The following ROBO2 variants were observed in gnomAD, a reference collection of about 807,000 sequenced individuals.
ROBO2 encodes roundabout homolog 2.
A neutral mutation model predicts 160.8 loss-of-function variants in ROBO2; 53 were observed. That is an observed-to-expected ratio of 0.33 (90% CI 0.26 to 0.41). ROBO2 has a LOEUF of 0.41. ROBO2 is among the 10% of genes least tolerant of loss of function. The pLI is 1.00. For missense variants in ROBO2, 1,577 were observed against 1,722.4 expected (o/e 0.92, Z 1.49); for synonymous variants, 664 against 611.7 (o/e 1.09, Z -1.26).
At chr3:75,944,263 AG>A (rs760990944) in intron 2 of ROBO2, among the ~76,000 whole-genome samples, 99 of 152,164 alleles carry the variant, frequency 6.5e-4, no homozygotes, top group Non-Finnish European at 1.2e-3. Flanking sequence ...CTAAAGTACG[AG>A]AGCCTGAACC....
At chr3:77,363,753 G>A (rs1441101103) in intron 2 of ROBO2, among the ~76,000 whole-genome samples, 1 of 152,170 alleles carries the variant, frequency 6.6e-6, no homozygotes, top group Non-Finnish European at 1.5e-5. Context: ...GGTCTTCAAG[G>A]AAGAAGGGAG....
At chr3:76,056,956 TTA>T (rs2067870328) in intron 2 of ROBO2, among the ~76,000 whole-genome samples, 1 of 152,136 alleles carries the variant, frequency 6.6e-6, no homozygotes, top group Admixed American at 6.6e-5. Flanking sequence ...AAAAAAATGA[TTA>T]TGTTGTGTAT....
intron 2 of ROBO2, among the ~76,000 whole-genome samples, chr3:77,262,479 A>G (rs1366809264): frequency 6.6e-6 from 1 of 152,130 alleles, no homozygotes; most frequent in African/African-American, 2.4e-5. Context: ...TCACAATGAG[A>G]AAGCATAAGT....
intron 1 of ROBO2, among the ~76,000 whole-genome samples, chr3:77,083,039 A>G (rs1346676925): frequency 6.6e-6 from 1 of 152,146 alleles, no homozygotes; most frequent in Non-Finnish European, 1.5e-5. Context: ...TACATATGTC[A>G]GGCACAAGCT....
intron 2 of ROBO2, among the ~76,000 whole-genome samples, chr3:76,274,159 C>G (rs1056166755): frequency 6.6e-6 from 1 of 152,108 alleles, no homozygotes; most frequent in African/African-American, 2.4e-5. Context: ...AACATTCAAA[C>G]CATAGCTAAC....
At chr3:77,105,947 T>C (rs912387552) in intron 2 of ROBO2, among the ~76,000 whole-genome samples, 17 of 152,332 alleles carry the variant, frequency 1.1e-4, no homozygotes, top group Non-Finnish European at 2.1e-4. Context: ...TAAAATATGT[T>C]GAGGTCTGCT....
intron 2 of ROBO2, among the ~76,000 whole-genome samples, chr3:76,922,401 C>T (rs1335581363): frequency 6.6e-6 from 1 of 152,190 alleles, no homozygotes; most frequent in Non-Finnish European, 1.5e-5. Context: ...CTTCAGCCAA[C>T]CAAGGCTTCG....
intron 2 of ROBO2, among the ~76,000 whole-genome samples, chr3:76,576,090 A>G (rs1253472113): frequency 6.6e-6 from 1 of 152,092 alleles, no homozygotes; most frequent in Non-Finnish European, 1.5e-5. Flanking sequence ...AAGTGTGTTA[A>G]TTATACAGTT....
intron 2 of ROBO2, among the ~76,000 whole-genome samples, chr3:76,695,535 G>T (rs764606300): frequency 7.9e-5 from 12 of 152,058 alleles, no homozygotes; most frequent in Non-Finnish European, 1.6e-4. Context: ...CAATGCCTTT[G>T]AAATAGTTTT....
At chr3:76,518,743 T>TA (rs1187140200) in intron 2 of ROBO2, among the ~76,000 whole-genome samples, 5 of 152,310 alleles carry the variant, frequency 3.3e-5, no homozygotes, top group Non-Finnish European at 5.9e-5. Flanking sequence ...TCTTTGAATT[T>TA]AAAAAGATCC....
intron 2 of ROBO2, among the ~76,000 whole-genome samples, chr3:76,571,135 T>C (rs767181817): frequency 5.3e-5 from 8 of 152,124 alleles, no homozygotes; most frequent in Non-Finnish European, 1.2e-4. Flanking sequence ...GTGAGTTAAA[T>C]AAATATTAAG....
At chr3:76,829,904 G>T (rs569054285) in intron 2 of ROBO2, among the ~76,000 whole-genome samples, 1 of 152,248 alleles carries the variant, frequency 6.6e-6, no homozygotes, top group South Asian at 2.1e-4. Context: ...CTGATCTCAG[G>T]TGATCCACTC....
intron 2 of ROBO2, among the ~76,000 whole-genome samples, chr3:77,410,675 C>CTCCTCCTCCTCTTCCTCCTCCTCCTCT (rs2076690872): frequency 1.5e-5 from 2 of 137,126 alleles, no homozygotes; most frequent in African/African-American, 5.5e-5. Flanking sequence ...CCTCCTCTTC[C>CTCCTCCTCCTCTTCCTCCTCCTCCTCT]TCCTCCTCCT....
intron 2 of ROBO2, among the ~76,000 whole-genome samples, chr3:76,492,368 C>T (rs926441812): frequency 2.0e-5 from 3 of 151,998 alleles, no homozygotes; most frequent in African/African-American, 4.8e-5. Flanking sequence ...TTTATGTGTT[C>T]GCTCCTTTTG....
At chr3:76,503,009 T>TGTGTGTGTGTGCGCGCGCACGC in intron 2 of ROBO2, among the ~76,000 whole-genome samples, 3 of 150,280 alleles carry the variant, frequency 2.0e-5, no homozygotes, top group East Asian at 3.9e-4. Context: ...TATGTGTGTG[T>TGTGTGTGTGTGCGCGCGCACGC]GTGTGTGTGT....
chr3:76,338,384 T>G (rs988147516), intron 2 of ROBO2, among the ~76,000 whole-genome samples: 1 of 152,182 alleles, frequency 6.6e-6, no homozygotes, highest in Non-Finnish European at 1.5e-5. Flanking sequence ...ATATAGCAAT[T>G]TGATGACTAA....
intron 2 of ROBO2, among the ~76,000 whole-genome samples, chr3:76,334,921 C>T (rs2073760621): frequency 6.6e-6 from 1 of 152,102 alleles, no homozygotes; most frequent in African/African-American, 2.4e-5. Flanking sequence ...TTGATTATTA[C>T]TCCTTGGGAT....
At chr3:77,154,344 A>G (rs1334858113) in intron 2 of ROBO2, among the ~76,000 whole-genome samples, 1 of 152,086 alleles carries the variant, frequency 6.6e-6, no homozygotes, top group Non-Finnish European at 1.5e-5. Context: ...CAAAGTGTTG[A>G]TTTTAAAATG....
intron 2 of ROBO2, among the ~76,000 whole-genome samples, chr3:76,149,761 C>A (rs1338869628): frequency 7.2e-6 from 1 of 138,328 alleles, no homozygotes; most frequent in African/African-American, 2.6e-5. Flanking sequence ...ATGTCTAAAG[C>A]ACACATCTGT....
Sources: gnomAD v4.1 joint callset for allele counts (sites outside exome capture counted in the v4.1 genomes callset) on GRCh38, gnomAD v4.1.1 for gene constraint, MANE v1.5 for transcripts, NCBI Gene and HGNC (gene_info 2026-07-23, HGNC 2026-07-21) for gene names.